Variants in FUT8 observed in about 807,000 individuals in gnomAD.
FUT8 encodes the protein alpha-(1,6)-fucosyltransferase.
In FUT8, 29 loss-of-function variants were observed where a neutral mutation model predicts 71.3. The ratio of observed to expected loss-of-function variants is 0.41; its 90% confidence interval spans 0.30 to 0.55. The LOEUF is 0.55. FUT8 is among the 20% of genes least tolerant of loss of function. The probability of loss-of-function intolerance (pLI) is 0.34; values close to 1 mark genes in which losing one functional copy is unlikely to be tolerated. For synonymous variants in FUT8, 254 were observed against 239.3 expected (o/e 1.06, Z -0.57); for missense variants, 544 against 702.1 (o/e 0.77, Z 2.55).
chr14:65,682,810 T>G (rs1323836559), intron 7 of FUT8, among the ~76,000 whole-genome samples: 1 of 152,144 alleles, frequency 6.6e-6, no homozygotes, highest in Non-Finnish European at 1.5e-5. Flanking sequence ...AATAAAAAAT[T>G]GGTTCTGATA....
At chr14:65,667,756 T>C (rs1039985325) in intron 6 of FUT8, among the ~76,000 whole-genome samples, 1 of 152,078 alleles carries the variant, frequency 6.6e-6, no homozygotes, top group Non-Finnish European at 1.5e-5. Context: ...AAGCACCGCA[T>C]TACCCGAATT....
chr14:65,481,145 A>C (rs1486579503), intron 2 of FUT8, among the ~76,000 whole-genome samples: 2 of 151,900 alleles, frequency 1.3e-5, no homozygotes, highest in African/African-American at 2.4e-5. Context: ...AATCATCATC[A>C]TCTTAATGGG....
At chr14:65,557,732 G>C (rs566996655) in intron 2 of FUT8, among the ~76,000 whole-genome samples, 16 of 151,948 alleles carry the variant, frequency 1.1e-4, no homozygotes, top group Admixed American at 6.6e-4. Context: ...TTAGTATTTT[G>C]CAGAAGGGTA....
chr14:65,683,013 ATTT>A (rs386364141), intron 7 of FUT8, among the ~76,000 whole-genome samples: 9 of 140,982 alleles, frequency 6.4e-5, no homozygotes, highest in African/African-American at 7.8e-5. Context: ...AGTAATTGCA[ATTT>A]TTTTTTTTTT....
intron 1 of FUT8, among the ~76,000 whole-genome samples, chr14:65,437,513 A>T (rs554582490): frequency 2.6e-5 from 4 of 152,154 alleles, no homozygotes; most frequent in Admixed American, 6.5e-5. Context: ...TCTCCATGTC[A>T]TGCTTGTGTT....
chr14:65,485,117 G>A (rs912863290), intron 2 of FUT8, among the ~76,000 whole-genome samples: 5 of 151,842 alleles, frequency 3.3e-5, no homozygotes, highest in African/African-American at 1.2e-4. Flanking sequence ...TGGGAGAATT[G>A]CTTGAGCCCA....
intron 6 of FUT8, 33 bp downstream of exon 6, chr14:65,629,639 G>GA (rs376366627): frequency 2.8e-6 from 4 of 1,420,070 alleles, no homozygotes; most frequent in African/African-American, 2.8e-5. Flanking sequence ...AAATTTGAGT[G>GA]AAAAAAAGAA....
chr14:65,737,579 A>G (rs1460112962), intron 10 of FUT8, among the ~76,000 whole-genome samples: 1 of 152,140 alleles, frequency 6.6e-6, no homozygotes, highest in Non-Finnish European at 1.5e-5. Flanking sequence ...GTAGATAGGC[A>G]CAGTATCAGA....
chr14:65,584,983 T>G (rs1887297842), intron 3 of FUT8, among the ~76,000 whole-genome samples: 1 of 152,168 alleles, frequency 6.6e-6, no homozygotes. Context: ...ATATAACCTA[T>G]AATTATTTTA....
chr14:65,635,481 A>G (rs1890498780), intron 6 of FUT8, among the ~76,000 whole-genome samples: 1 of 152,116 alleles, frequency 6.6e-6, no homozygotes. Flanking sequence ...GGTTTGTCAT[A>G]GCTTTTATTA....
At chr14:65,610,578 G>A (rs574215068) in intron 3 of FUT8, among the ~76,000 whole-genome samples, 7 of 151,668 alleles carry the variant, frequency 4.6e-5, no homozygotes, top group East Asian at 3.9e-4. Flanking sequence ...TAGTAGAGAC[G>A]GGGTTTCTCC....
intron 1 of FUT8, among the ~76,000 whole-genome samples, chr14:65,434,887 A>T (rs1436316927): frequency 6.6e-6 from 1 of 152,126 alleles, no homozygotes; most frequent in African/African-American, 2.4e-5. Context: ...CCACACTGCG[A>T]TACACAGTTC....
chr14:65,494,334 G>C (rs1464022692), intron 2 of FUT8, among the ~76,000 whole-genome samples: 2 of 152,074 alleles, frequency 1.3e-5, no homozygotes, highest in African/African-American at 4.8e-5. Context: ...GCACATCTCA[G>C]TTCAAACTAA....
chr14:65,691,621 A>G (rs1232210864), intron 7 of FUT8, among the ~76,000 whole-genome samples: 16 of 152,014 alleles, frequency 1.1e-4, no homozygotes, highest in Admixed American at 9.8e-4. Context: ...TTATTTATTT[A>G]TTGATCATTC....
intron 6 of FUT8, among the ~76,000 whole-genome samples, chr14:65,659,866 C>T (rs189646409): frequency 1.4e-4 from 21 of 152,160 alleles, no homozygotes; most frequent in East Asian, 5.8e-4. Context: ...AAAATGATGA[C>T]GGAGGACCTT....
chr14:65,692,395 C>CT (rs1448099098), intron 7 of FUT8, among the ~76,000 whole-genome samples: 10 of 144,478 alleles, frequency 6.9e-5, no homozygotes, highest in African/African-American at 1.0e-4. Flanking sequence ...GGGCGGCTGG[C>CT]CGGGCGGGGG....
chr14:65,558,600 A>T (rs542271292), intron 2 of FUT8, among the ~76,000 whole-genome samples: 4 of 152,216 alleles, frequency 2.6e-5, no homozygotes, highest in Admixed American at 6.5e-5. Context: ...AGTGAACACA[A>T]TGAACAAAAA....
At chr14:65,414,801 A>G (rs1234811889) in intron 1 of FUT8, among the ~76,000 whole-genome samples, 2 of 152,238 alleles carry the variant, frequency 1.3e-5, no homozygotes, top group Non-Finnish European at 2.9e-5. Context: ...GATTGCAGAA[A>G]CAGATGCAAA....
chr14:65,431,078 C>T (rs929647544), intron 1 of FUT8, among the ~76,000 whole-genome samples: 8 of 150,672 alleles, frequency 5.3e-5, no homozygotes, highest in African/African-American at 1.5e-4. Flanking sequence ...TCACTGCAAC[C>T]TCCTGCTCCC....
Sources: gnomAD v4.1 joint callset for allele counts (sites outside exome capture counted in the v4.1 genomes callset) on GRCh38, gnomAD v4.1.1 for gene constraint, MANE v1.5 for transcripts, NCBI Gene and HGNC (gene_info 2026-07-23, HGNC 2026-07-21) for gene names.